PTPN11: variants seen among roughly 807,000 people sequenced by gnomAD.
The protein encoded by PTPN11 is tyrosine-protein phosphatase non-receptor type 11.
Under a neutral mutation model 78.8 loss-of-function variants are expected in PTPN11, and 6 were observed. The ratio of observed to expected loss-of-function variants is 0.08; its 90% CI spans 0.04 to 0.15. PTPN11 has a LOEUF of 0.15. Ranked by LOEUF, PTPN11 falls within the 10% of genes least tolerant of loss-of-function variation. The pLI is 1.00. For missense variants in PTPN11, 386 were observed against 744.8 expected (o/e 0.52, Z 5.61); for synonymous variants, 221 against 263.5 (o/e 0.84, Z 1.56).
chr12:112,501,387 T>G (rs1225938416), intron 13 of PTPN11, among the ~76,000 whole-genome samples: 1 of 152,128 alleles, frequency 6.6e-6, no homozygotes, highest in African/African-American at 2.4e-5. Flanking sequence ...TTTGGGAGGC[T>G]GAGGCAGGTG....
At chr12:112,419,617 CCT>C (rs1182488538) in intron 1 of PTPN11, among the ~76,000 whole-genome samples, 1 of 152,202 alleles carries the variant, frequency 6.6e-6, no homozygotes, top group Non-Finnish European at 1.5e-5. Flanking sequence ...ACGCAGGACC[CCT>C]GACCCTTTTA....
intron 1 of PTPN11, among the ~76,000 whole-genome samples, chr12:112,435,394 C>G (rs905333220): frequency 6.6e-6 from 1 of 152,006 alleles, no homozygotes; most frequent in South Asian, 2.1e-4. Context: ...AGGTCAAGGA[C>G]AAGTGTGAGA....
rs116057339 is a variant in PTPN11, at chr12:112,451,511, C to T, written c.332+999C>T. 6.4e-3 allele frequency among the ~76,000 whole-genome samples: 976 copies of T among 152,244 alleles called. 13 individuals carry two copies. The highest frequency in any genetic ancestry group is 0.022 in the African/African-American group (914 of 41,540). ...GAGCAGTATTGTCTCAAAGTCTGTC[C>T]TTGGATGGCTTTGGATGCCTACATC... On this transcript the variant is annotated intron_variant, in intron 3 of 15. Coordinates refer to ENST00000351677, the MANE Select transcript of PTPN11 (RefSeq NM_002834.5).
At chr12:112,439,593 G>A (rs955745032) in intron 1 of PTPN11, among the ~76,000 whole-genome samples, 1 of 151,628 alleles carries the variant, frequency 6.6e-6, no homozygotes, top group African/African-American at 2.4e-5. Flanking sequence ...CTCAGCCTCC[G>A]GAGTAGCTGG....
intron 13 of PTPN11, among the ~76,000 whole-genome samples, chr12:112,498,206 A>G (rs994975264): frequency 2.6e-5 from 4 of 151,430 alleles, no homozygotes; most frequent in Admixed American, 2.0e-4. Context: ...CTTGAGGGTG[A>G]AGAATGGGTG....
chr12:112,474,623 A>G (rs1324202381), intron 7 of PTPN11, among the ~76,000 whole-genome samples: 1 of 150,700 alleles, frequency 6.6e-6, no homozygotes, highest in African/African-American at 2.4e-5. Flanking sequence ...TTATTTATTT[A>G]TTTATTTTTG....
rs189267580 is a variant in PTPN11 at position 112,440,398 on chromosome 12, C to T, written c.15-5878C>T. On this transcript the variant is annotated intron_variant, in intron 1 of 15. Transcript: ENST00000351677. Reference sequence around the variant, plus strand: ...ATGCCATTTTCCTGCCTCAGCCTCCCGAGTAGCTGGGATTACAGGGGCCTG... The same window carrying T: ...ATGCCATTTTCCTGCCTCAGCCTCCTGAGTAGCTGGGATTACAGGGGCCTG... Among the ~76,000 whole-genome samples the T allele has an allele frequency of 9.4e-4, 143 of 151,632 alleles. 1 individual carries two copies. Among genetic ancestry groups the T allele is most frequent in the Middle Eastern group, 3.4e-3 (1 of 292 alleles).
chr12:112,459,353 A>G (rs1285634376), intron 6 of PTPN11, among the ~76,000 whole-genome samples: 2 of 152,106 alleles, frequency 1.3e-5, no homozygotes, highest in Non-Finnish European at 2.9e-5. Context: ...CCCAGCATTA[A>G]CAACTGTTGA....
intron 13 of PTPN11, among the ~76,000 whole-genome samples, chr12:112,492,101 C>G (rs982905361): frequency 2.0e-5 from 3 of 152,182 alleles, no homozygotes; most frequent in African/African-American, 7.2e-5. Context: ...TTTAGGCCAG[C>G]TATTTAGCAG....
chr12:112,450,588 G>T, intron 3 of PTPN11, 76 bp downstream of exon 3: 1 of 1,392,334 alleles, frequency 7.2e-7, no homozygotes, highest in Non-Finnish European at 1.0e-6. Context: ...GACGGTCTGT[G>T]TATGACTCTC....
intron 7 of PTPN11, 93 bp from the exon 8 acceptor site, chr12:112,477,558 A>C (rs968284106): frequency 3.9e-6 from 4 of 1,028,912 alleles, no homozygotes; most frequent in Non-Finnish European, 6.0e-6. Context: ...TTGAATGAAC[A>C]AAACTTGGAC....
chr12:112,447,621 T>C (rs2038013886), intron 2 of PTPN11, among the ~76,000 whole-genome samples: 1 of 151,760 alleles, frequency 6.6e-6, no homozygotes, highest in South Asian at 2.1e-4. Flanking sequence ...TGTCTCAGCC[T>C]CCGGAGTGGC....
chr12:112,431,044 C>T (rs2037705013), intron 1 of PTPN11, among the ~76,000 whole-genome samples: 1 of 152,232 alleles, frequency 6.6e-6, no homozygotes, highest in Non-Finnish European at 1.5e-5. Context: ...AGGGCTTTGT[C>T]AGCTGCCTTC....
At chr12:112,426,670 C>A (rs1335393680) in intron 1 of PTPN11, among the ~76,000 whole-genome samples, 2 of 152,046 alleles carry the variant, frequency 1.3e-5, no homozygotes. Context: ...GTGTAATAGG[C>A]CCTGGAGCTT....
chr12:112,473,127 T>TAACAAGAGCACA, intron 7 of PTPN11, 87 bp downstream of exon 7: 7 of 1,122,560 alleles, frequency 6.2e-6, no homozygotes, highest in Non-Finnish European at 9.4e-6. Flanking sequence ...GGTCGTGTGC[T>TAACAAGAGCACA]CTTGTTAGCA....
chr12:112,438,081 T>G (rs987686129), intron 1 of PTPN11, among the ~76,000 whole-genome samples: 2 of 152,120 alleles, frequency 1.3e-5, no homozygotes, highest in Non-Finnish European at 2.9e-5. Context: ...GGGTGGACTT[T>G]CTGTTTCTGG....
chr12:112,483,265 G>T (rs910119380), intron 10 of PTPN11, among the ~76,000 whole-genome samples: 5 of 149,310 alleles, frequency 3.3e-5, no homozygotes, highest in Non-Finnish European at 5.9e-5. Flanking sequence ...ACGGCTCACT[G>T]CAGCCACAAC....
chr12:112,451,666 C>T (rs1260279654), intron 3 of PTPN11, among the ~76,000 whole-genome samples: 1 of 152,114 alleles, frequency 6.6e-6, no homozygotes, highest in Non-Finnish European at 1.5e-5. Flanking sequence ...TACTCCAAGT[C>T]TTATGTGCAT....
chr12:112,435,174 A>G (rs539183889), intron 1 of PTPN11, among the ~76,000 whole-genome samples: 6 of 149,398 alleles, frequency 4.0e-5, no homozygotes, highest in Non-Finnish European at 8.9e-5. Flanking sequence ...GTGTGCCATC[A>G]ATGCCCCACC....
Sources: gnomAD v4.1 joint callset for allele counts (sites outside exome capture counted in the v4.1 genomes callset) on GRCh38, gnomAD v4.1.1 for gene constraint, MANE v1.5 for transcripts, NCBI Gene and HGNC (gene_info 2026-07-23, HGNC 2026-07-21) for gene names.